CCDC138: variants seen among roughly 807,000 people sequenced by gnomAD.
The protein encoded by CCDC138 is coiled-coil domain-containing protein 138.
Under a neutral mutation model 82.3 loss-of-function variants are expected in CCDC138, and 66 were observed. The observed-to-expected ratio is 0.80, with a 90% CI of 0.66 to 0.98. The LOEUF (loss-of-function observed/expected upper bound fraction) is 0.98, where lower values mean the gene tolerates loss of function less well. Ranked by LOEUF, CCDC138 falls within the 50% of genes least tolerant of loss-of-function variation. The pLI, the probability that CCDC138 is intolerant of heterozygous loss-of-function variation, is 0.00. For missense variants in CCDC138, 816 were observed against 758.9 expected, an observed-to-expected ratio of 1.08 and a Z score of -0.88; for synonymous variants, 297 against 265.4, an observed-to-expected ratio of 1.12 and a Z score of -1.16.
chr2:108,788,827 T>G (rs763078488), intron 2 of CCDC138, 25 bp from the exon 3 acceptor site: 56 of 1,613,754 alleles, frequency 3.5e-5, no homozygotes, highest in Non-Finnish European at 4.2e-5. Flanking sequence ...GTGGTAATCT[T>G]TCATGGTTTC....
chr2:108,814,947 A>T (rs114712508), intron 9 of CCDC138, among the ~76,000 whole-genome samples: 3,318 of 152,162 alleles, frequency 0.022, 117 homozygotes, highest in African/African-American at 0.076. Context: ...GCAGATTTTT[A>T]AAAAAATAAA....
At chr2:108,879,552 T>C (rs1163841681), downstream of CCDC138, among the ~76,000 whole-genome samples, 3 of 152,212 alleles carry the variant, frequency 2.0e-5, no homozygotes, top group Admixed American at 6.5e-5. Flanking sequence ...CATGATTAAG[T>C]AGGGTAACAT....
At chr2:108,803,639 G>T (rs939844446) in intron 6 of CCDC138, among the ~76,000 whole-genome samples, 1 of 152,062 alleles carries the variant, frequency 6.6e-6, no homozygotes, top group African/African-American at 2.4e-5. Flanking sequence ...CCATGTCTGG[G>T]ACCCACCCTG....
intron 1 of CCDC138, among the ~76,000 whole-genome samples, chr2:108,881,986 G>T (rs1696303086): frequency 6.6e-6 from 1 of 151,820 alleles, no homozygotes; most frequent in Non-Finnish European, 1.5e-5. Context: ...TCTACAAAAA[G>T]AGCAAAAACA....
At chr2:108,842,023 C>CTTGT (rs547469320) in intron 11 of CCDC138, among the ~76,000 whole-genome samples, 108 of 151,792 alleles carry the variant, frequency 7.1e-4, no homozygotes, top group South Asian at 7.1e-3. Flanking sequence ...AAGGGTTTTT[C>CTTGT]TTGTTTGTTT....
At chr2:108,861,233 A>G (rs1042180493) in intron 13 of CCDC138, among the ~76,000 whole-genome samples, 10 of 149,788 alleles carry the variant, frequency 6.7e-5, no homozygotes, top group South Asian at 4.2e-4. Flanking sequence ...TTCTTTGTTG[A>G]TCTAGCTAGT....
intron 3 of CCDC138, among the ~76,000 whole-genome samples, chr2:108,790,400 G>GT (rs1679714145): frequency 1.3e-5 from 2 of 152,282 alleles, no homozygotes; most frequent in South Asian, 4.1e-4. Context: ...TGGACCCCTA[G>GT]TTGTGATCTG....
In CCDC138 at chr2:108,845,743, T is replaced by C. The variant is rs1202234603; in HGVS notation, c.1324-995T>C. ...CCCGCCACCACGCCTGGCTATTTTT[T>C]TGTATTTTTAGTAGAGATGGGGTTT... On this transcript the variant is annotated intron_variant, in intron 11 of 14. Coordinates refer to ENST00000295124, the MANE Select transcript of CCDC138 (RefSeq NM_144978.3). Among the ~76,000 whole-genome samples, 3 of 152,174 alleles carry C rather than the reference T, an allele frequency of 2.0e-5. No individual in the cohort carries two copies. In the East Asian group the frequency reaches 5.8e-4, roughly 29 times the overall value.
At chr2:108,830,184 T>C (rs1050304932) in intron 10 of CCDC138, among the ~76,000 whole-genome samples, 4 of 152,176 alleles carry the variant, frequency 2.6e-5, no homozygotes, top group African/African-American at 9.7e-5. Flanking sequence ...TGATTCTGCT[T>C]CCGTGCATGC....
intron 7 of CCDC138, among the ~76,000 whole-genome samples, chr2:108,812,311 A>C (rs1279884611): frequency 6.6e-6 from 1 of 152,174 alleles, no homozygotes; most frequent in South Asian, 2.1e-4. Flanking sequence ...AGGATTTTAT[A>C]CTTTTCTTTA....
At chr2:108,883,007 C>G (rs1308718953) in intron 2 of CCDC138, 1 of 152,054 alleles carries the variant, frequency 6.6e-6, no homozygotes, top group African/African-American at 2.4e-5. Context: ...AAGACCTTGT[C>G]TTCTTTATAT....
At chr2:108,830,819 C>CAA (rs375632403) in intron 10 of CCDC138, among the ~76,000 whole-genome samples, 1 of 138,468 alleles carries the variant, frequency 7.2e-6, no homozygotes. Context: ...AAATAAAAAA[C>CAA]AAAAAAAAAA....
intron 10 of CCDC138, among the ~76,000 whole-genome samples, chr2:108,826,450 T>G (rs1314834073): frequency 2.0e-5 from 3 of 152,044 alleles, no homozygotes; most frequent in Non-Finnish European, 4.4e-5. Flanking sequence ...GTTGGAGGAG[T>G]GTAACCTCAT....
chr2:108,803,083 G>A (rs955494039), intron 6 of CCDC138, among the ~76,000 whole-genome samples: 2 of 152,190 alleles, frequency 1.3e-5, no homozygotes, highest in Non-Finnish European at 2.9e-5. Flanking sequence ...AAATCCTAAT[G>A]CATTTCTCAA....
intron 13 of CCDC138, among the ~76,000 whole-genome samples, chr2:108,863,437 C>T (rs1239544067): frequency 4.6e-5 from 7 of 152,122 alleles, no homozygotes; most frequent in Non-Finnish European, 7.3e-5. Flanking sequence ...TTTCAAAAAA[C>T]ATCAGAGAAG....
At chr2:108,824,406 CA>C (rs1558679769) in intron 10 of CCDC138, among the ~76,000 whole-genome samples, 1 of 152,028 alleles carries the variant, frequency 6.6e-6, no homozygotes, top group Non-Finnish European at 1.5e-5. Flanking sequence ...AACTAAGACA[CA>C]AACGCACATG....
At chr2:108,789,082 A>T (rs1436698758) in intron 3 of CCDC138, 116 bp downstream of exon 3, 4 of 954,746 alleles carry the variant, frequency 4.2e-6, no homozygotes, top group Non-Finnish European at 6.3e-6. Context: ...GAGGACAAGT[A>T]TAAGGCAGTC....
chr2:108,798,602 T>C lies in CCDC138; in HGVS notation c.735+16T>C. 6.4e-7 allele frequency: 1 copy of C among 1,551,088 alleles called. No individual in the cohort carries two copies. Among genetic ancestry groups the C allele is most frequent in the South Asian group, 1.2e-5 (1 of 85,806 alleles). On this transcript the variant is annotated intron_variant, in intron 6 of 14. Transcript: ENST00000295124. Reference sequence around the variant, plus strand: ...TATAAAAGAGGTAACTATATAGCCTTTGATTTTAGAGTGGTATATTTCTTC... The same window carrying C: ...TATAAAAGAGGTAACTATATAGCCTCTGATTTTAGAGTGGTATATTTCTTC...
At chr2:108,857,004 C>T (rs770027319) in intron 13 of CCDC138, 34 bp downstream of exon 13, 36 of 1,145,608 alleles carry the variant, frequency 3.1e-5, no homozygotes, top group Non-Finnish European at 3.5e-5. Flanking sequence ...GTAAAGAAAG[C>T]AGGATGATTT....
Sources: allele counts gnomAD v4.1 joint callset (sites outside exome capture counted in the v4.1 genomes callset), GRCh38; gene constraint gnomAD v4.1.1; transcripts MANE v1.5; gene names NCBI Gene and HGNC (gene_info 2026-07-23, HGNC 2026-07-21).